Variants in MAP7 observed in about 807,000 individuals in gnomAD.
The protein encoded by MAP7 is microtubule associated protein 7.
In MAP7, 52 loss-of-function variants were observed where a neutral mutation model predicts 94.8. The observed-to-expected ratio is 0.55, with a 90% CI of 0.44 to 0.69. MAP7 has a LOEUF of 0.69. Ranked by LOEUF, MAP7 falls within the 30% of genes least tolerant of loss-of-function variation. The probability of loss-of-function intolerance (pLI) is 0.00; values close to 1 mark genes in which losing one functional copy is unlikely to be tolerated. For missense variants in MAP7, 940 were observed against 964.6 expected (o/e 0.97, Z 0.34); for synonymous variants, 350 against 357.0 (o/e 0.98, Z 0.22).
rs1312419155 is a variant in MAP7, at chr6:136,362,543, T to C, written c.1433A>G (p.Glu478Gly). The C allele has an allele frequency of 2.5e-6, 4 of 1,614,036 alleles. No individual in the cohort carries two copies. The Admixed American group carries it at 6.7e-5, about 27-fold the overall frequency. The change falls in exon 11 of 18, where the codon GAG (glutamate) becomes GGG (glycine). Residue 478 changes from glutamate (E) to glycine (G), a missense_variant. By Grantham distance (98) the Glu-to-Gly change is moderately conservative. Coordinates refer to ENST00000354570, the MANE Select transcript of MAP7 (RefSeq NM_003980.6). ...KTSAGTTDPE[E>G]ATRLLAEKRR... ...CTTCTCAGCTAGAAGCCTTGTGGCC[T>C]CCTCTGGGTCGGTGGTGCCTGCAGA...
At chr6:136,344,759 G>GAA (rs1156616686) in intron 17 of MAP7, among the ~76,000 whole-genome samples, 1 of 152,156 alleles carries the variant, frequency 6.6e-6, no homozygotes, top group African/African-American at 2.4e-5. Context: ...TCAAATCCTA[G>GAA]AAAAGTGGAG....
intron 8 of MAP7, among the ~76,000 whole-genome samples, chr6:136,367,916 GCTGAAATCAGATCAATGGGT>G (rs1379841483): frequency 1.3e-5 from 2 of 151,958 alleles, no homozygotes; most frequent in East Asian, 3.9e-4. Flanking sequence ...TTTTGATTTG[GCTGAAATCAGATCAATGGGT>G]GATGTAAATG....
intron 1 of MAP7, among the ~76,000 whole-genome samples, chr6:136,514,825 T>C (rs1435144054): frequency 6.6e-6 from 1 of 152,162 alleles, no homozygotes; most frequent in African/African-American, 2.4e-5. Context: ...GCATAATTCT[T>C]AAGGGCCTTA....
intron 1 of MAP7, among the ~76,000 whole-genome samples, chr6:136,498,301 T>G (rs576376467): frequency 6.6e-6 from 1 of 152,016 alleles, no homozygotes; most frequent in South Asian, 2.1e-4. Flanking sequence ...ATCATCAGCA[T>G]GATGATAGGA....
chr6:136,365,794 ACTAAAG>A lies in MAP7; in HGVS notation c.1208_1213del (p.Pro403_Val405delinsLeu), dbSNP rs1794142454. 6.2e-7 allele frequency: 1 copy of A among 1,614,114 alleles called. No homozygotes were observed. The highest frequency in any genetic ancestry group is 2.2e-5 in the East Asian group (1 of 44,862). The stretch of plus-strand genomic sequence containing the variant: ...TTCAACTGTGGCTTCTTCTACCTTC[ACTAAAG>A]GTGCTCTGCCCTTTAGTGAGGGCTC... On this transcript the variant is annotated inframe_deletion, in exon 10 of 18. Coordinates refer to ENST00000354570, the MANE Select transcript of MAP7 (RefSeq NM_003980.6).
intron 1 of MAP7, among the ~76,000 whole-genome samples, chr6:136,450,553 G>A (rs1205289124): frequency 6.6e-6 from 1 of 151,796 alleles, no homozygotes; most frequent in African/African-American, 2.4e-5. Flanking sequence ...TTTATAGAAG[G>A]GCGGGCTGAT....
At position 136,456,806 on chromosome 6, in the gene MAP7, A is replaced by AG. The variant is rs1375838275; in HGVS notation, c.68-35008dup. ...AAGAAGAAGAAGAAGAAGAAGAAGAAGAAGAAGAAGAAGAAGGAAGAAGAA... is the reference window on the plus strand; with the variant it reads ...AAGAAGAAGAAGAAGAAGAAGAAGAAGGAAGAAGAAGAAGAAGGAAGAAGAA... On this transcript the variant is annotated intron_variant, in intron 1 of 17. Coordinates refer to ENST00000354570, the MANE Select transcript of MAP7 (RefSeq NM_003980.6). Among the ~76,000 whole-genome samples, 341 of 76,506 alleles carry AG rather than the reference A, an allele frequency of 4.5e-3. 3 individuals carry two copies. The highest frequency in any genetic ancestry group is 0.013 in the African/African-American group (295 of 23,508). The allele number at this position is 76,506 out of a possible 152,430, so 50.2% of individuals were successfully genotyped here. A position where few individuals can be genotyped will look rare whatever the true frequency, so the allele number is the denominator to read the frequency against.
At chr6:136,526,509 T>C (rs1827918212) in intron 1 of MAP7, 1 of 985,562 alleles carries the variant, frequency 1.0e-6, no homozygotes, top group Non-Finnish European at 1.2e-6. Context: ...CCCTAACATA[T>C]CCTAATCAAG....
intron 1 of MAP7, among the ~76,000 whole-genome samples, chr6:136,431,445 T>G (rs1794857810): frequency 6.6e-6 from 1 of 152,202 alleles, no homozygotes. Context: ...AGGGGCTATA[T>G]CATTCCATTC....
chr6:136,487,287 A>C (rs1815083689), intron 1 of MAP7, among the ~76,000 whole-genome samples: 2 of 152,266 alleles, frequency 1.3e-5, no homozygotes, highest in African/African-American at 4.8e-5. Context: ...ATGATATGCC[A>C]GATTTGTAAA....
chr6:136,356,937 C>G, intron 15 of MAP7, 143 bp from the exon 16 acceptor site: 1 of 629,660 alleles, frequency 1.6e-6, no homozygotes, highest in East Asian at 2.7e-5. Flanking sequence ...CCTAAACTCT[C>G]TGTGCCTTAG....
rs201467716 is a variant in MAP7, at chr6:136,372,632, G to A, written c.752-7C>T. 4.5e-4 allele frequency: 732 copies of A among 1,614,204 alleles called. 4 individuals carry two copies. The South Asian group carries it at 5.7e-3, about 13-fold the overall frequency. On this transcript the variant is annotated splice_polypyrimidine_tract_variant and splice_region_variant and intron_variant, in intron 7 of 17. Transcript: ENST00000354570. ...ATGATGGGGCTGCAAGATGCTGAAC[G>A]AGGACAAATGGGGATAACTAGGGTG...
chr6:136,439,803 C>G (rs1390261540), intron 1 of MAP7, among the ~76,000 whole-genome samples: 5 of 151,918 alleles, frequency 3.3e-5, no homozygotes, highest in African/African-American at 1.2e-4. Flanking sequence ...AGAGTAAAGG[C>G]CTGGAAGAAG....
intron 1 of MAP7, among the ~76,000 whole-genome samples, chr6:136,430,337 C>T (rs932203219): frequency 3.3e-5 from 5 of 152,042 alleles, no homozygotes; most frequent in African/African-American, 1.2e-4. Flanking sequence ...TTACTATTGG[C>T]CATGAAATAG....
Position 136,381,946 on chromosome 6 carries a change from G to A in MAP7, c.637+1725C>T, listed in dbSNP as rs576913578. ...GAGAGAGAGAGAGAGAATGCATGGAGTCAGAGTCAATCTAAGAAAGGACAC... is the reference window on the plus strand; with the variant it reads ...GAGAGAGAGAGAGAGAATGCATGGAATCAGAGTCAATCTAAGAAAGGACAC... On this transcript the variant is annotated intron_variant, in intron 6 of 17. Transcript: ENST00000354570. Among the ~76,000 whole-genome samples the A allele has an allele frequency of 4.2e-5, 6 of 142,026 alleles. No homozygotes were observed. The East Asian group carries it at 1.3e-3, about 30-fold the overall frequency. The allele number at this position is 142,026 out of a possible 152,430, so 93.2% of individuals were successfully genotyped here.
intron 7 of MAP7, among the ~76,000 whole-genome samples, chr6:136,376,391 G>A (rs1776174191): frequency 2.6e-5 from 4 of 152,312 alleles, no homozygotes; most frequent in South Asian, 2.1e-4. Flanking sequence ...GAGCCACCAC[G>A]CCCGGCCTGA....
intron 1 of MAP7, among the ~76,000 whole-genome samples, chr6:136,453,821 T>C (rs1801914886): frequency 6.6e-6 from 1 of 152,226 alleles, no homozygotes. Flanking sequence ...AGCAACTGAG[T>C]GCTTGCTTGG....
intron 1 of MAP7, among the ~76,000 whole-genome samples, chr6:136,447,271 C>A (rs888125123): frequency 9.2e-5 from 14 of 152,290 alleles, no homozygotes; most frequent in African/African-American, 3.4e-4. Flanking sequence ...GTATTTCTTC[C>A]AAATAACTAA....
chr6:136,541,169 C>T (rs971261317), intron 1 of MAP7, among the ~76,000 whole-genome samples: 4 of 152,112 alleles, frequency 2.6e-5, no homozygotes, highest in African/African-American at 7.2e-5. Context: ...AGCCCAGATT[C>T]GAATCTTGAG....
Sources: gnomAD v4.1 joint callset for allele counts (sites outside exome capture counted in the v4.1 genomes callset) on GRCh38, gnomAD v4.1.1 for gene constraint, MANE v1.5 for transcripts, NCBI Gene and HGNC (gene_info 2026-07-23, HGNC 2026-07-21) for gene names.